The following SLC27A5 variants were observed in gnomAD, a reference collection of about 807,000 sequenced individuals.
SLC27A5 encodes the protein long-chain fatty acid transport protein 5.
A neutral mutation model predicts 63.1 loss-of-function variants in SLC27A5; 47 were observed. The observed-to-expected ratio is 0.74, with a 90% CI of 0.59 to 0.95. The LOEUF (loss-of-function observed/expected upper bound fraction) is 0.95. SLC27A5 is among the 40% of genes least tolerant of loss of function. The pLI is 0.00. For missense variants in SLC27A5, 940 were observed against 921.0 expected, an observed-to-expected ratio of 1.02 and a Z score of -0.27; for synonymous variants, 391 against 403.8, an observed-to-expected ratio of 0.97 and a Z score of 0.38.
At chr19:58,507,438 C>T (rs1168276788) in intron 3 of SLC27A5, 1 of 152,162 alleles carries the variant, frequency 6.6e-6, no homozygotes, top group South Asian at 2.1e-4. Flanking sequence ...ATCTCTTAAT[C>T]CTGTTATCTT....
intron 3 of SLC27A5, 77 bp from the exon 4 acceptor site, chr19:58,501,487 C>T (rs531661865): frequency 8.8e-6 from 13 of 1,480,142 alleles, no homozygotes; most frequent in East Asian, 2.3e-5. Context: ...CACCTGTGCT[C>T]ACCCACCCCC....
chr19:58,505,209 C>T (rs961827976), intron 3 of SLC27A5, among the ~76,000 whole-genome samples: 17 of 150,904 alleles, frequency 1.1e-4, no homozygotes, highest in African/African-American at 4.1e-4. Flanking sequence ...AAGCGATTCT[C>T]CTGCCTCAGC....
Position 58,499,480 on chromosome 19 carries a change from C to G in SLC27A5, c.1667+12G>C. 1 of 1,612,462 alleles carries G rather than the reference C, an allele frequency of 6.2e-7. No homozygotes were observed. Among genetic ancestry groups the G allele is most frequent in the South Asian group, 1.1e-5 (1 of 91,062 alleles). On this transcript the variant is annotated intron_variant, in intron 7 of 9. Coordinates refer to ENST00000263093, the MANE Select transcript of SLC27A5 (RefSeq NM_012254.3). ...CCGCGCCAGCCCCGCCCCGAGAAAC[C>G]CTGCCTCGGACCGGAAGGTGTCCCC...
rs2053418767 is a variant in SLC27A5 at position 58,511,894 on chromosome 19, C to T, written c.62G>A (p.Gly21Glu). 3 of 1,549,376 alleles carry T rather than the reference C, an allele frequency of 1.9e-6. No individual in the cohort carries two copies. In the East Asian group the frequency reaches 7.3e-5, roughly 38 times the overall value. ...LLLLLLLWGL[G>E]QPVWPVAVAL... The stretch of plus-strand genomic sequence containing the variant: ...CACAGCGACTGGCCACACTGGCTGC[C>T]CCAGGCCCCAGAGCAGGAGCAGCAG... The change falls in exon 1 of 10, where the codon GGG becomes GAG. Residue 21 changes from glycine (G) to glutamate (E), a missense_variant. Transcript: ENST00000263093.
chr19:58,499,947 A>T (rs2053254834), intron 6 of SLC27A5, among the ~76,000 whole-genome samples: 1 of 152,142 alleles, frequency 6.6e-6, no homozygotes, highest in South Asian at 2.1e-4. Flanking sequence ...ATAACAAGGG[A>T]TGGAAGACGG....
At chr19:58,504,456 C>T (rs978380472) in intron 3 of SLC27A5, among the ~76,000 whole-genome samples, 12 of 150,868 alleles carry the variant, frequency 8.0e-5, no homozygotes, top group Non-Finnish European at 1.8e-4. Flanking sequence ...TGAGACCAGC[C>T]TGGCCAACAT....
intron 6 of SLC27A5, among the ~76,000 whole-genome samples, chr19:58,499,974 G>A (rs2122488946): frequency 6.6e-6 from 1 of 152,260 alleles, no homozygotes; most frequent in South Asian, 2.1e-4. Context: ...AAATGGCAGT[G>A]AGAATAGATA....
chr19:58,509,913 A>C lies in SLC27A5; in HGVS notation c.991T>G (p.Tyr331Asp). 1 of 1,614,120 alleles carries C rather than the reference A, an allele frequency of 6.2e-7. No individual in the cohort carries two copies. Among genetic ancestry groups the C allele is most frequent in the Non-Finnish European group, 8.5e-7 (1 of 1,180,016 alleles). ...LSGATADDVV[Y>D]TVLPLYHVMG... is the part of the protein sequence containing the mutation. ...ACGTGGTACAGAGGCAGGACCGTGTAAACCACATCATCAGCTGTGGCCCCA... is the reference window on the plus strand; with the variant it reads ...ACGTGGTACAGAGGCAGGACCGTGTCAACCACATCATCAGCTGTGGCCCCA... The change falls in exon 3 of 10, where the codon TAC (tyrosine) becomes GAC (aspartate). Residue 331 changes from tyrosine to aspartate, a missense_variant. By Grantham distance (160) the Tyr-to-Asp change is radical (BLOSUM62 -3). Transcript: ENST00000263093.
chr19:58,511,028 G>A, intron 1 of SLC27A5, 98 bp from the exon 2 acceptor site: 1 of 1,042,678 alleles, frequency 9.6e-7, no homozygotes, highest in South Asian at 1.7e-5. Context: ...GGAGCAGCTA[G>A]TAGAGAAAAG....
chr19:58,503,252 G>A (rs558049457), intron 3 of SLC27A5, among the ~76,000 whole-genome samples: 1 of 151,640 alleles, frequency 6.6e-6, no homozygotes, highest in South Asian at 2.1e-4. Flanking sequence ...TGTAAGGATG[G>A]ATAGATGGGT....
Position 58,498,921 on chromosome 19 carries a change from G to C in SLC27A5, c.1766-6C>G, listed in dbSNP as rs750755605. ...GCCCACCTTACCCTCACAACCTAGA[G>C]AGCAGTCTGGTCACTCTCGGCTGAC... On this transcript the variant is annotated splice_polypyrimidine_tract_variant and splice_region_variant and intron_variant, in intron 8 of 9. Coordinates refer to ENST00000263093, the MANE Select transcript of SLC27A5 (RefSeq NM_012254.3). 7.5e-6 allele frequency: 12 copies of C among 1,610,238 alleles called. No homozygotes were observed. The Admixed American group carries it at 1.3e-4, about 18-fold the overall frequency.
Position 58,510,900 on chromosome 19 carries a change from G to C in SLC27A5, c.719C>G (p.Pro240Arg). 2 of 1,611,070 alleles carry C rather than the reference G, an allele frequency of 1.2e-6. No individual in the cohort carries two copies. Among genetic ancestry groups the C allele is most frequent in the South Asian group, 2.2e-5 (2 of 90,536 alleles). ...GCGGATGTTCTCAGCCTGCAGCTTG[G>C]GAAGGATCTCCTCCAGGCTCTCCCG... ...DLRESLEEILPKLQAENIRCF... is the reference protein window; with the variant it reads ...DLRESLEEILRKLQAENIRCF... The change falls in exon 2 of 10, where the codon CCC (proline) becomes CGC (arginine). Residue 240 changes from proline to arginine, a missense_variant. Pro to Arg is a moderately radical substitution (Grantham distance 103). Transcript: ENST00000263093.
intron 2 of SLC27A5, chr19:58,510,277 A>G: frequency 4.8e-6 from 2 of 417,566 alleles, no homozygotes; most frequent in Non-Finnish European, 8.5e-6. Context: ...AGTTCAGGCC[A>G]AATATCAAAA....
chr19:58,511,134 A>C, intron 1 of SLC27A5, 134 bp downstream of exon 1: 1 of 1,056,162 alleles, frequency 9.5e-7, no homozygotes, highest in African/African-American at 1.6e-5. Context: ...CTTTCTGCTC[A>C]TAAGTCTTGA....
intron 4 of SLC27A5, 28 bp downstream of exon 4, chr19:58,501,258 C>G (rs1401764292): frequency 1.2e-6 from 2 of 1,607,958 alleles, no homozygotes; most frequent in Non-Finnish European, 8.5e-7. Context: ...TGGGTGTTCA[C>G]CATGGAGCCC....
At position 58,498,710 on chromosome 19, in the gene SLC27A5, G is replaced by A. The variant is rs753485754; in HGVS notation, c.1897-19C>T. On this transcript the variant is annotated intron_variant, in intron 9 of 9. Coordinates refer to ENST00000263093, the MANE Select transcript of SLC27A5 (RefSeq NM_012254.3). Reference sequence around the variant, plus strand: ...TGGCGTCCTGCAGGGCAGTGACCATGGTCCAATCACTGTGACATCCACCCG... The same window carrying A: ...TGGCGTCCTGCAGGGCAGTGACCATAGTCCAATCACTGTGACATCCACCCG... 1.2e-6 allele frequency: 2 copies of A among 1,611,882 alleles called. No homozygotes were observed. Among genetic ancestry groups the A allele is most frequent in the Admixed American group, 1.7e-5 (1 of 59,902 alleles).
intron 3 of SLC27A5, chr19:58,508,895 G>T (rs1302642229): frequency 1.3e-5 from 2 of 151,978 alleles, no homozygotes; most frequent in Non-Finnish European, 2.9e-5. Flanking sequence ...TGACCAACAT[G>T]GTGAAACCTA....
At chr19:58,503,204 TA>T (rs35752989) in intron 3 of SLC27A5, among the ~76,000 whole-genome samples, 28,933 of 127,184 alleles carry the variant, frequency 0.23, 3,152 homozygotes, top group African/African-American at 0.33. Context: ...GACTCTGTCT[TA>T]AAAAAAAAAA....
chr19:58,511,607 C>A lies in SLC27A5; in HGVS notation c.349G>T (p.Val117Leu). 1 of 1,593,692 alleles carries A rather than the reference C, an allele frequency of 6.3e-7. No individual in the cohort carries two copies. Among genetic ancestry groups the A allele is most frequent in the Non-Finnish European group, 8.6e-7 (1 of 1,168,556 alleles). Reference protein sequence around the residue: ...CLSRQPPDTFVDAFERRARAQ... With the variant: ...CLSRQPPDTFLDAFERRARAQ... ...CGTGCTCGCCGCTCGAAGGCATCTA[C>A]AAAGGTGTCAGGCGGCTGCCGGCTC... Residue 117 changes from valine to leucine, a missense_variant, in exon 1 of 10, where the codon GTA becomes TTA. Val to Leu is a conservative substitution (Grantham distance 32, BLOSUM62 1). Coordinates refer to ENST00000263093, the MANE Select transcript of SLC27A5 (RefSeq NM_012254.3).
Sources: allele counts gnomAD v4.1 joint callset (sites outside exome capture counted in the v4.1 genomes callset), GRCh38; gene constraint gnomAD v4.1.1; transcripts MANE v1.5; gene names NCBI Gene and HGNC (gene_info 2026-07-23, HGNC 2026-07-21).